The following RNF217 variants were observed in gnomAD, a reference collection of about 807,000 sequenced individuals.
RNF217 encodes ring finger protein 217.
RNF217 carries 31 observed loss-of-function variants against 57.8 expected under a neutral mutation model. The ratio of observed to expected loss-of-function variants is 0.54; its 90% CI spans 0.40 to 0.72. The LOEUF (loss-of-function observed/expected upper bound fraction) is 0.72. RNF217 is among the 30% of genes least tolerant of loss of function. The pLI, the probability that RNF217 is intolerant of heterozygous loss-of-function variation, is 0.00. For missense variants in RNF217, 696 were observed against 708.3 expected, an observed-to-expected ratio of 0.98 and a Z score of 0.20; for synonymous variants, 313 against 294.0, an observed-to-expected ratio of 1.06 and a Z score of -0.66.
At chr6:125,025,818 C>T (rs1386499734) in intron 1 of RNF217, among the ~76,000 whole-genome samples, 1 of 152,056 alleles carries the variant, frequency 6.6e-6, no homozygotes, top group African/African-American at 2.4e-5. Flanking sequence ...AATGTACTCT[C>T]TTATGAGTGG....
At chr6:125,035,344 T>G (rs1455994096) in intron 1 of RNF217, among the ~76,000 whole-genome samples, 1 of 152,112 alleles carries the variant, frequency 6.6e-6, no homozygotes, top group Non-Finnish European at 1.5e-5. Context: ...TTGTCATAGA[T>G]AGCTCTCTCT....
chr6:125,017,382 G>A (rs1043223540), intron 1 of RNF217, among the ~76,000 whole-genome samples: 1 of 152,176 alleles, frequency 6.6e-6, no homozygotes, highest in Non-Finnish European at 1.5e-5. Flanking sequence ...TGAATCAGCA[G>A]TATTAGCTCT....
At chr6:125,040,283 A>G (rs990808378) in intron 1 of RNF217, among the ~76,000 whole-genome samples, 4 of 152,196 alleles carry the variant, frequency 2.6e-5, no homozygotes, top group Non-Finnish European at 5.9e-5. Context: ...CCACAGCAAT[A>G]GAAACTACCA....
At chr6:125,052,007 T>G (rs1787336833) in intron 2 of RNF217, among the ~76,000 whole-genome samples, 1 of 152,056 alleles carries the variant, frequency 6.6e-6, no homozygotes, top group African/African-American at 2.4e-5. Flanking sequence ...CTGAAGGTGT[T>G]TCCAGGTGGT....
chr6:125,007,428 G>A lies in RNF217; in HGVS notation c.883-37783G>A, dbSNP rs539394207. 2.0e-5 allele frequency among the ~76,000 whole-genome samples: 3 copies of A among 151,956 alleles called. No individual in the cohort carries two copies. In the South Asian group the frequency reaches 6.2e-4, roughly 32 times the overall value. On this transcript the variant is annotated intron_variant, in intron 1 of 5. Coordinates refer to ENST00000521654, the MANE Select transcript of RNF217 (RefSeq NM_001286398.3). ...GCCCGGCTAATTTTTTGTATTTTGA[G>A]TGGAGACAGGTTTTCTCCATGTTGG...
At chr6:125,042,715 T>C (rs972553052) in intron 1 of RNF217, among the ~76,000 whole-genome samples, 2 of 152,104 alleles carry the variant, frequency 1.3e-5, no homozygotes, top group African/African-American at 4.8e-5. Context: ...CAAGACAACC[T>C]GCCCTCTTTA....
chr6:125,057,935 T>C lies in RNF217; in HGVS notation c.1117-7T>C. 6.3e-7 allele frequency: 1 copy of C among 1,595,356 alleles called. No individual in the cohort carries two copies. The highest frequency in any genetic ancestry group is 8.5e-7 in the Non-Finnish European group (1 of 1,170,056). ...CTAGTAATTAATATGATTTTTTTCT[T>C]ACACAGATCCAGTGCCCTACCTGCC... On this transcript the variant is annotated splice_polypyrimidine_tract_variant and splice_region_variant and intron_variant, in intron 2 of 5. Coordinates refer to ENST00000521654, the MANE Select transcript of RNF217 (RefSeq NM_001286398.3).
In RNF217 at chr6:125,013,943, G is replaced by A. The variant is rs548227061; in HGVS notation, c.883-31268G>A. The stretch of plus-strand genomic sequence containing the variant: ...ATAAATCCTAGAAACATAATGCCCC[G>A]CTGACTACATGTGCAAGTTATACTG... On this transcript the variant is annotated intron_variant, in intron 1 of 5. Coordinates refer to ENST00000521654, the MANE Select transcript of RNF217 (RefSeq NM_001286398.3). 1.2e-4 allele frequency among the ~76,000 whole-genome samples: 19 copies of A among 152,192 alleles called. 1 individual carries two copies. The South Asian group carries it at 2.9e-3, about 23-fold the overall frequency.
intron 3 of RNF217, 63 bp from the exon 4 acceptor site, chr6:125,076,594 C>G: frequency 3.3e-6 from 4 of 1,201,426 alleles, no homozygotes; most frequent in Non-Finnish European, 4.9e-6. Flanking sequence ...ATAAAATTTG[C>G]GATTTTGCTT....
chr6:125,071,456 A>G lies in RNF217; in HGVS notation c.1282-5201A>G, dbSNP rs6910983. On this transcript the variant is annotated intron_variant, in intron 3 of 5. Coordinates refer to ENST00000521654, the MANE Select transcript of RNF217 (RefSeq NM_001286398.3). ...AAATTGCCCATTTTCAACCTATGAT[A>G]TTTTCAACTTGGAGCATCTGCCTAC... Among the ~76,000 whole-genome samples, 1,467 of 148,564 alleles carry G rather than the reference A, an allele frequency of 9.9e-3. 11 individuals are homozygous for G. The highest frequency in any genetic ancestry group is 0.018 in the Non-Finnish European group (1,194 of 67,556).
At chr6:125,011,246 T>C (rs1211675586) in intron 1 of RNF217, among the ~76,000 whole-genome samples, 1 of 152,156 alleles carries the variant, frequency 6.6e-6, no homozygotes, top group Non-Finnish European at 1.5e-5. Flanking sequence ...AAATAAATAT[T>C]ACATGTAATT....
intron 2 of RNF217, among the ~76,000 whole-genome samples, chr6:125,047,548 A>C (rs1787144284): frequency 6.6e-6 from 1 of 152,094 alleles, no homozygotes; most frequent in South Asian, 2.1e-4. Flanking sequence ...GTAAGAAGAG[A>C]AGCAGGGGCA....
chr6:125,076,978 G>A, intron 4 of RNF217, 120 bp downstream of exon 4: 2 of 833,938 alleles, frequency 2.4e-6, no homozygotes, highest in Non-Finnish European at 3.9e-6. Flanking sequence ...TTCAGAGGAG[G>A]ATATTCTCTC....
At chr6:125,079,869 G>C (rs723052) in intron 4 of RNF217, among the ~76,000 whole-genome samples, 3,880 of 152,116 alleles carry the variant, frequency 0.026, 65 homozygotes, top group Middle Eastern at 0.061. Context: ...ATGTTTTAGA[G>C]CAATGTTACT....
intron 1 of RNF217, among the ~76,000 whole-genome samples, chr6:125,044,188 T>C (rs1236651222): frequency 6.6e-6 from 1 of 152,042 alleles, no homozygotes; most frequent in Non-Finnish European, 1.5e-5. Context: ...TTTCTGAGAA[T>C]GTGAGATTCA....
chr6:125,053,974 C>T (rs1422668475), intron 2 of RNF217, among the ~76,000 whole-genome samples: 3 of 152,098 alleles, frequency 2.0e-5, no homozygotes, highest in Non-Finnish European at 4.4e-5. Flanking sequence ...CTACCTCAGC[C>T]ACTAGTCATA....
chr6:125,009,103 T>C lies in RNF217; in HGVS notation c.883-36108T>C, dbSNP rs1785317706. 6.4e-6 allele frequency: 5 copies of C among 777,338 alleles called. No individual in the cohort carries two copies. In the Admixed American group the frequency reaches 1.4e-4, roughly 21 times the overall value. 48.2% of individuals were successfully genotyped at this position (777,338 alleles called of 1,614,324 possible). On this transcript the variant is annotated intron_variant, in intron 1 of 5. Transcript: ENST00000521654. The stretch of plus-strand genomic sequence containing the variant: ...TAGAATGTGCTTTCCTGAACAGACG[T>C]GTTAGAAATGTATGTATAAAGGGAT...
intron 1 of RNF217, among the ~76,000 whole-genome samples, chr6:125,001,167 A>G (rs1013398760): frequency 6.6e-6 from 1 of 152,178 alleles, no homozygotes; most frequent in African/African-American, 2.4e-5. Flanking sequence ...GAAATAAAAG[A>G]AGTCAAGTTT....
At chr6:124,967,160 A>G (rs1259933571) in intron 1 of RNF217, among the ~76,000 whole-genome samples, 3 of 152,200 alleles carry the variant, frequency 2.0e-5, no homozygotes, top group Admixed American at 1.3e-4. Context: ...TTCATTTCAG[A>G]AGTACATTTC....
Sources: gnomAD v4.1 joint callset for allele counts (sites outside exome capture counted in the v4.1 genomes callset) on GRCh38, gnomAD v4.1.1 for gene constraint, MANE v1.5 for transcripts, NCBI Gene and HGNC (gene_info 2026-07-23, HGNC 2026-07-21) for gene names.